The following ATXN2 variants were observed in gnomAD, a reference collection of about 807,000 sequenced individuals.
The protein encoded by ATXN2 is ataxin-2.
Under a neutral mutation model 138.6 loss-of-function variants are expected in ATXN2, and 37 were observed. That is an observed-to-expected ratio of 0.27 (90% CI 0.21 to 0.35). ATXN2 has a LOEUF of 0.35. ATXN2 is among the 10% of genes least tolerant of loss of function. ATXN2 has a pLI of 1.00. For missense variants in ATXN2, 1,216 were observed against 1,480.3 expected, an observed-to-expected ratio of 0.82 and a Z score of 2.93; for synonymous variants, 549 against 543.7, an observed-to-expected ratio of 1.01 and a Z score of -0.13.
In ATXN2 at chr12:111,529,655, G is replaced by A. The variant is rs184837947; in HGVS notation, c.572-4339C>T. Reference sequence around the variant, plus strand: ...GTCATAAAGAAATGTCTCGACCAACGTGTGAACCTCTTCTGGGTATCCCCA... The same window carrying A: ...GTCATAAAGAAATGTCTCGACCAACATGTGAACCTCTTCTGGGTATCCCCA... On this transcript the variant is annotated intron_variant, in intron 5 of 24. Transcript: ENST00000673436. Among the ~76,000 whole-genome samples, 419 of 152,220 alleles carry A rather than the reference G, an allele frequency of 2.8e-3. 1 individual carries two copies. The highest frequency in any genetic ancestry group is 8.3e-3 in the African/African-American group (343 of 41,528).
chr12:111,483,749 T>C (rs1022515019), intron 18 of ATXN2, among the ~76,000 whole-genome samples: 11 of 152,170 alleles, frequency 7.2e-5, no homozygotes, highest in African/African-American at 2.7e-4. Context: ...AACTACATTA[T>C]ACGACAACTC....
intron 18 of ATXN2, among the ~76,000 whole-genome samples, chr12:111,481,353 G>A (rs1032238984): frequency 1.3e-5 from 2 of 152,184 alleles, no homozygotes; most frequent in African/African-American, 2.4e-5. Flanking sequence ...GGTGAGGCAG[G>A]AGAATTGCTT....
chr12:111,551,070 G>C (rs1272315170), intron 5 of ATXN2, among the ~76,000 whole-genome samples: 1 of 152,110 alleles, frequency 6.6e-6, no homozygotes, highest in Non-Finnish European at 1.5e-5. Context: ...AGGCCGAGGC[G>C]GGCGGATCAC....
chr12:111,468,505 T>C (rs998523733), intron 20 of ATXN2: 1 of 152,190 alleles, frequency 6.6e-6, no homozygotes, highest in African/African-American at 2.4e-5. Context: ...TGAGCCTTTG[T>C]GGCAGACAAG....
At chr12:111,586,186 T>G (rs1488064844) in intron 1 of ATXN2, among the ~76,000 whole-genome samples, 1 of 151,740 alleles carries the variant, frequency 6.6e-6, no homozygotes, top group Non-Finnish European at 1.5e-5. Context: ...ATTACAGGTG[T>G]GAGCCACCAT....
intron 14 of ATXN2, among the ~76,000 whole-genome samples, chr12:111,503,629 T>A (rs1358318534): frequency 6.6e-6 from 1 of 151,952 alleles, no homozygotes; most frequent in Non-Finnish European, 1.5e-5. Context: ...TGAGACAGAT[T>A]CTCGCTCTGT....
intron 1 of ATXN2, among the ~76,000 whole-genome samples, chr12:111,591,357 T>A (rs1283155333): frequency 6.7e-6 from 1 of 148,672 alleles, no homozygotes; most frequent in Non-Finnish European, 1.5e-5. Context: ...GCCCCAGAAC[T>A]TAAAATTTAA....
At chr12:111,522,829 G>A (rs1399381414) in intron 6 of ATXN2, among the ~76,000 whole-genome samples, 7 of 152,022 alleles carry the variant, frequency 4.6e-5, no homozygotes, top group Non-Finnish European at 7.4e-5. Context: ...CAGGAGAATC[G>A]CTTGAACCTG....
At chr12:111,502,399 A>G (rs2135718687) in intron 14 of ATXN2, among the ~76,000 whole-genome samples, 1 of 152,168 alleles carries the variant, frequency 6.6e-6, no homozygotes, top group Admixed American at 6.5e-5. Context: ...TCTCTGCACT[A>G]TACTAAATCT....
intron 21 of ATXN2, among the ~76,000 whole-genome samples, chr12:111,462,969 T>TACACACACACACACAC (rs199797015): frequency 1.5e-5 from 2 of 136,124 alleles, no homozygotes; most frequent in African/African-American, 5.6e-5. Flanking sequence ...CATACATATA[T>TACACACACACACACAC]ATATATATAC....
At chr12:111,470,865 AC>A in intron 18 of ATXN2, 123 bp from the exon 19 acceptor site, 1 of 981,504 alleles carries the variant, frequency 1.0e-6, no homozygotes, top group Non-Finnish European at 1.5e-6. Context: ...GCCATCTCAT[AC>A]CACTCCCACT....
chr12:111,453,262 C>G lies in ATXN2; in HGVS notation c.3439+415G>C. Reference sequence around the variant, plus strand: ...AACGCTACACTCAAAGCCAGTCCATCCACAGCGCTTTCTCAGCAGTATCTT... The same window carrying G: ...AACGCTACACTCAAAGCCAGTCCATGCACAGCGCTTTCTCAGCAGTATCTT... On this transcript the variant is annotated intron_variant, in intron 24 of 24. Coordinates refer to ENST00000673436, the MANE Select transcript of ATXN2 (RefSeq NM_001372574.1). This position sits in a 1 kb window ranked among gnomAD's most constrained non-coding sequence, Gnocchi z 5.4. 5 of 1,062,212 alleles carry G rather than the reference C, an allele frequency of 4.7e-6. No homozygotes were observed. The highest frequency in any genetic ancestry group is 5.7e-6 in the Non-Finnish European group (5 of 880,184). 65.8% of individuals were successfully genotyped at this position (1,062,212 alleles called of 1,614,324 possible).
intron 5 of ATXN2, among the ~76,000 whole-genome samples, chr12:111,551,852 G>C (rs568307918): frequency 6.6e-6 from 1 of 151,496 alleles, no homozygotes. Flanking sequence ...ACCTTACTTG[G>C]GCTATTCTAG....
At chr12:111,502,555 G>A (rs1040556033) in intron 14 of ATXN2, among the ~76,000 whole-genome samples, 1 of 151,992 alleles carries the variant, frequency 6.6e-6, no homozygotes, top group African/African-American at 2.4e-5. Flanking sequence ...TCAGTCTTGC[G>A]AGTAGCTGGG....
At chr12:111,570,652 TCTTC>T (rs1883268127) in intron 1 of ATXN2, among the ~76,000 whole-genome samples, 1 of 152,186 alleles carries the variant, frequency 6.6e-6, no homozygotes, top group Non-Finnish European at 1.5e-5. Flanking sequence ...AAACTGCTTA[TCTTC>T]CTTGAAGATC....
chr12:111,468,553 T>C (rs1323968709), intron 20 of ATXN2: 2 of 152,148 alleles, frequency 1.3e-5, no homozygotes, highest in African/African-American at 2.4e-5. Flanking sequence ...GGGTTACAGG[T>C]GACAGGAAGG....
At chr12:111,498,934 A>G (rs530827272) in intron 14 of ATXN2, among the ~76,000 whole-genome samples, 3 of 152,322 alleles carry the variant, frequency 2.0e-5, no homozygotes, top group Non-Finnish European at 2.9e-5. Context: ...GAAGCCATGA[A>G]CATACACTGG....
chr12:111,464,248 G>GCT (rs1491431823), intron 21 of ATXN2, among the ~76,000 whole-genome samples: 1 of 55,140 alleles, frequency 1.8e-5, no homozygotes, highest in African/African-American at 2.4e-4. Context: ...GTGGCTTGGG[G>GCT]TGTGTGTGTG....
chr12:111,556,511 C>G (rs2135791133), intron 1 of ATXN2, among the ~76,000 whole-genome samples: 1 of 152,230 alleles, frequency 6.6e-6, no homozygotes, highest in South Asian at 2.1e-4. Context: ...TCTCCCCCAT[C>G]TATAAAAGAA....
Sources: gnomAD v4.1 joint callset for allele counts (sites outside exome capture counted in the v4.1 genomes callset) on GRCh38, gnomAD v4.1.1 for gene constraint, Gnocchi (gnomAD v3.1) non-coding constraint, MANE v1.5 for transcripts, NCBI Gene and HGNC (gene_info 2026-07-23, HGNC 2026-07-21) for gene names.